RMDN3: variants seen among roughly 807,000 people sequenced by gnomAD.
The protein encoded by RMDN3 is regulator of microtubule dynamics 3, also known as regulator of microtubule dynamics protein 3.
RMDN3 carries 41 observed loss-of-function variants against 61.8 expected under a neutral mutation model. That is an observed-to-expected ratio of 0.66 (90% CI 0.52 to 0.86). RMDN3 has a LOEUF of 0.86. Among genes scored for constraint, RMDN3 ranks in the 40% least tolerant of loss-of-function variants. The pLI, the probability that RMDN3 is intolerant of heterozygous loss-of-function variation, is 0.00. For missense variants in RMDN3, 557 were observed against 585.3 expected, an observed-to-expected ratio of 0.95 and a Z score of 0.50; for synonymous variants, 247 against 232.0, an observed-to-expected ratio of 1.06 and a Z score of -0.59.
chr15:40,754,752 C>G lies in RMDN3; in HGVS notation c.32G>C (p.Arg11Pro). Residue 11 changes from arginine to proline, a missense_variant, in exon 2 of 13, where the codon CGT (arginine) becomes CCT (proline). Arg to Pro is a moderately radical substitution (Grantham distance 103, BLOSUM62 -2). Transcript: ENST00000338376. Reference protein sequence around the residue: MSRLGALGGARAGLGLLLGTA... With the variant: MSRLGALGGAPAGLGLLLGTA... Reference sequence around the variant, plus strand: ...ACCCAGCAACAGTCCCAGCCCGGCACGGGCACCACCCAGGGCTCCCAGTCT... The same window carrying G: ...ACCCAGCAACAGTCCCAGCCCGGCAGGGGCACCACCCAGGGCTCCCAGTCT... 3 of 1,586,744 alleles carry G rather than the reference C, an allele frequency of 1.9e-6. No homozygotes were observed. Among genetic ancestry groups the G allele is most frequent in the East Asian group, 2.3e-5 (1 of 44,396 alleles).
At chr15:40,738,613 A>C in intron 7 of RMDN3, 37 bp from the exon 8 acceptor site, 2 of 1,606,276 alleles carry the variant, frequency 1.2e-6, no homozygotes, top group Non-Finnish European at 1.7e-6. Context: ...ACAAGGGCTG[A>C]GTACCATCAC....
chr15:40,743,848 A>C (rs529411955), intron 6 of RMDN3, among the ~76,000 whole-genome samples, 199 bp downstream of exon 6: 2 of 152,362 alleles, frequency 1.3e-5, no homozygotes, highest in South Asian at 4.1e-4. Flanking sequence ...AATCAGCATG[A>C]TATACAGATA....
intron 4 of RMDN3, among the ~76,000 whole-genome samples, chr15:40,745,609 G>C (rs989769213): frequency 6.6e-6 from 1 of 151,696 alleles, no homozygotes; most frequent in Non-Finnish European, 1.5e-5. Flanking sequence ...CAAGTGATCC[G>C]CCCACCTCGG....
Position 40,745,263 on chromosome 15 carries a change from G to T in RMDN3, c.525-4C>A, listed in dbSNP as rs1300628367. On this transcript the variant is annotated splice_region_variant and splice_polypyrimidine_tract_variant and intron_variant, in intron 4 of 12. Transcript: ENST00000338376. ...CTCCGCATTGGCTGTTGTGTAACTG[G>T]CAGAGAAATGTAAGGGACAACAAGA... 21 of 1,612,808 alleles carry T rather than the reference G, an allele frequency of 1.3e-5. No individual in the cohort carries two copies. The highest frequency in any genetic ancestry group is 1.2e-5 in the Non-Finnish European group (14 of 1,179,708).
chr15:40,744,825 G>C (rs530788365), intron 5 of RMDN3, 152 bp downstream of exon 5: 1 of 825,788 alleles, frequency 1.2e-6, no homozygotes, highest in South Asian at 1.9e-5. Context: ...TGTGACCTGG[G>C]GGACAGATGC....
rs371071394 is a variant in RMDN3, at chr15:40,746,587, C to A, written c.525-1328G>T. Among the ~76,000 whole-genome samples the A allele has an allele frequency of 2.0e-4, 30 of 151,746 alleles. 1 individual carries two copies. Among genetic ancestry groups the A allele is most frequent in the African/African-American group, 7.0e-4 (29 of 41,374 alleles). ...ACAGGACTGAAGGAGAGATGACACA[C>A]CACCTACAAATAAAGTCAACAACTG... On this transcript the variant is annotated intron_variant, in intron 4 of 12. Transcript: ENST00000338376.
At chr15:40,737,545 C>A in intron 10 of RMDN3, 83 bp downstream of exon 10, 1 of 1,325,696 alleles carries the variant, frequency 7.5e-7, no homozygotes, top group Non-Finnish European at 1.1e-6. Flanking sequence ...AGGAAAACCC[C>A]TCCCATTAAG....
At chr15:40,751,860 C>T (rs1897836944) in intron 3 of RMDN3, 126 bp downstream of exon 3, 3 of 1,079,958 alleles carry the variant, frequency 2.8e-6, no homozygotes, top group Non-Finnish European at 4.1e-6. Flanking sequence ...ACAGCTTCAA[C>T]CCAGATTAGG....
At chr15:40,749,594 CCTT>C (rs1224224085) in intron 4 of RMDN3, among the ~76,000 whole-genome samples, 1 of 152,230 alleles carries the variant, frequency 6.6e-6, no homozygotes, top group Non-Finnish European at 1.5e-5. Context: ...TGTGACCTCT[CCTT>C]CTGTTCAACC....
At chr15:40,747,630 C>G (rs1414184071) in intron 4 of RMDN3, 1 of 149,490 alleles carries the variant, frequency 6.7e-6, no homozygotes, top group Non-Finnish European at 1.5e-5. Flanking sequence ...TTTTAACATA[C>G]CCTGAGGCTT....
In RMDN3 at chr15:40,737,105, C is replaced by T. The variant is rs1012746640; in HGVS notation, c.1359+19G>A. The T allele has an allele frequency of 1.3e-6, 2 of 1,597,912 alleles. No homozygotes were observed. Among genetic ancestry groups the T allele is most frequent in the Non-Finnish European group, 1.7e-6 (2 of 1,165,248 alleles). ...GACTTCAGGTGATCTGCCCAACAGGCAGTATTAAAAAGCCTTACCTCCTTC... is the reference window on the plus strand; with the variant it reads ...GACTTCAGGTGATCTGCCCAACAGGTAGTATTAAAAAGCCTTACCTCCTTC... On this transcript the variant is annotated intron_variant, in intron 12 of 12. Coordinates refer to ENST00000338376, the MANE Select transcript of RMDN3 (RefSeq NM_018145.3).
Position 40,754,657 on chromosome 15 carries a change from G to A in RMDN3, c.127C>T (p.Arg43Cys), listed in dbSNP as rs137881723. 1 of 1,614,112 alleles carries A rather than the reference G, an allele frequency of 6.2e-7. No homozygotes were observed. The highest frequency in any genetic ancestry group is 1.3e-5 in the African/African-American group (1 of 75,020). Reference sequence around the variant, plus strand: ...AGGGAGTTGGGCAGGCTCTGGCTGCGGCCATGACGCTGGGTCCGTTTCCAT... The same window carrying A: ...AGGGAGTTGGGCAGGCTCTGGCTGCAGCCATGACGCTGGGTCCGTTTCCAT... ...QRWKRTQRHG[R>C]SQSLPNSLDY... The change falls in exon 2 of 13, where the codon CGC becomes TGC. Residue 43 changes from arginine to cysteine, a missense_variant. Coordinates refer to ENST00000338376, the MANE Select transcript of RMDN3 (RefSeq NM_018145.3).
At chr15:40,753,027 A>C (rs1176273419) in intron 2 of RMDN3, among the ~76,000 whole-genome samples, 1 of 152,192 alleles carries the variant, frequency 6.6e-6, no homozygotes, top group Non-Finnish European at 1.5e-5. Flanking sequence ...CTCAGAAGAA[A>C]CACTACTGCG....
In RMDN3 at chr15:40,736,494, C is replaced by G. The variant is rs11856571; in HGVS notation, c.*47G>C. On this transcript the variant is annotated 3_prime_UTR_variant, in exon 13 of 13. Transcript: ENST00000338376. ...CTAAGGAAAAAAGCCTCCCCGCCCC[C>G]CCACCTTAAATAGTGGCATCAAGTC... is the stretch of plus-strand genomic sequence containing the variant. 4.4e-3 allele frequency: 6,987 copies of G among 1,579,490 alleles called. 24 individuals carry two copies. Among genetic ancestry groups the G allele is most frequent in the Non-Finnish European group, 5.6e-3 (6,419 of 1,149,370 alleles).
intron 4 of RMDN3, among the ~76,000 whole-genome samples, chr15:40,745,568 G>A (rs1292973046): frequency 1.3e-5 from 2 of 152,062 alleles, no homozygotes; most frequent in East Asian, 3.9e-4. Context: ...GTTTTGCCAT[G>A]TTGCCCAGAC....
intron 6 of RMDN3, among the ~76,000 whole-genome samples, chr15:40,741,909 G>A (rs145052532): frequency 0.014 from 2,170 of 151,876 alleles, 56 homozygotes; most frequent in African/African-American, 0.05. Context: ...TTACAGGTGC[G>A]AACCACCGTG....
chr15:40,740,694 CT>C (rs1407648588), intron 6 of RMDN3, among the ~76,000 whole-genome samples: 4 of 152,150 alleles, frequency 2.6e-5, no homozygotes, highest in Admixed American at 6.5e-5. Flanking sequence ...ATGACTTCTG[CT>C]TCACCTTGGC....
rs541816295 is a variant in RMDN3, at chr15:40,735,934, G to A, written c.*607C>T. 1 of 152,220 alleles carries A rather than the reference G, an allele frequency of 6.6e-6. No individual in the cohort carries two copies. The highest frequency in any genetic ancestry group is 1.5e-5 in the Non-Finnish European group (1 of 68,014). 9.4% of individuals were successfully genotyped at this position (152,220 alleles called of 1,614,324 possible). The stretch of plus-strand genomic sequence containing the variant: ...CAAGTTTGTAACAAAATATATTCTA[G>A]GCAACTTTTCAGACATTGTTTTATA... On this transcript the variant is annotated 3_prime_UTR_variant, in exon 13 of 13. Coordinates refer to ENST00000338376, the MANE Select transcript of RMDN3 (RefSeq NM_018145.3).
At chr15:40,737,771 T>A in intron 9 of RMDN3, 45 bp from the exon 10 acceptor site, 1 of 1,585,378 alleles carries the variant, frequency 6.3e-7, no homozygotes, top group Non-Finnish European at 8.6e-7. Context: ...TTTAAAAGGT[T>A]TTTTTTCTTT....
Sources: allele counts gnomAD v4.1 joint callset (sites outside exome capture counted in the v4.1 genomes callset), GRCh38; gene constraint gnomAD v4.1.1; transcripts MANE v1.5; gene names NCBI Gene and HGNC (gene_info 2026-07-23, HGNC 2026-07-21).